Variants in C7 observed in about 807,000 individuals in gnomAD.
The protein encoded by C7 is complement component C7.
A neutral mutation model predicts 104.8 loss-of-function variants in C7; 83 were observed. That is an observed-to-expected ratio of 0.79 (90% CI 0.66 to 0.95). The LOEUF is 0.95. C7 is among the 40% of genes least tolerant of loss of function. The probability of loss-of-function intolerance (pLI) is 0.00; values close to 1 mark genes in which losing one functional copy is unlikely to be tolerated. For synonymous variants in C7, 415 were observed against 360.6 expected (o/e 1.15, Z -1.71); for missense variants, 1,070 against 1,011.2 (o/e 1.06, Z -0.79).
intron 1 of C7, among the ~76,000 whole-genome samples, chr5:40,920,619 G>A (rs1739419042): frequency 6.7e-6 from 1 of 148,166 alleles, no homozygotes. Context: ...TTTCCTCACT[G>A]TCACCATTTT....
chr5:40,980,160 G>T, intron 17 of C7: 1 of 348,594 alleles, frequency 2.9e-6, no homozygotes, highest in Admixed American at 4.7e-5. Flanking sequence ...GTGATTCCAT[G>T]CCACCTTCAT....
chr5:40,936,531 T>C (rs546723110), intron 5 of C7, 46 bp downstream of exon 5: 17 of 1,562,114 alleles, frequency 1.1e-5, no homozygotes, highest in Admixed American at 6.1e-5. Flanking sequence ...AATTGTAGTT[T>C]TAAATTTTGT....
Position 40,979,710 on chromosome 5 carries a change from A to G in C7, c.2166-15A>G, listed in dbSNP as rs1436772939. The stretch of plus-strand genomic sequence containing the variant: ...CAAAAATCTTGTAAATAATGTCATT[A>G]AAAATTCTTTTCAGACCTTCCTTGG... On this transcript the variant is annotated splice_polypyrimidine_tract_variant and intron_variant, in intron 16 of 17. Coordinates refer to ENST00000313164, the MANE Select transcript of C7 (RefSeq NM_000587.4). The G allele has an allele frequency of 1.3e-6, 2 of 1,598,746 alleles. No individual in the cohort carries two copies. The highest frequency in any genetic ancestry group is 1.7e-6 in the Non-Finnish European group (2 of 1,170,542).
At chr5:40,943,830 T>C (rs1264993360) in intron 6 of C7, among the ~76,000 whole-genome samples, 1 of 151,898 alleles carries the variant, frequency 6.6e-6, no homozygotes, top group Non-Finnish European at 1.5e-5. Flanking sequence ...GAAATCCATC[T>C]TCTTATCTTT....
chr5:40,931,437 A>G (rs1210921340), intron 3 of C7, among the ~76,000 whole-genome samples: 1 of 152,228 alleles, frequency 6.6e-6, no homozygotes, highest in Non-Finnish European at 1.5e-5. Flanking sequence ...CTATGAGAGA[A>G]ATAGGAATAA....
intron 5 of C7, among the ~76,000 whole-genome samples, chr5:40,936,951 T>C (rs1004674927): frequency 6.6e-6 from 1 of 152,258 alleles, no homozygotes; most frequent in Admixed American, 6.5e-5. Flanking sequence ...CAAGAACCTG[T>C]TTCCAAGTGA....
At chr5:40,928,207 A>G (rs982299769) in intron 1 of C7, among the ~76,000 whole-genome samples, 5 of 152,304 alleles carry the variant, frequency 3.3e-5, no homozygotes, top group African/African-American at 1.2e-4. Flanking sequence ...AAAACAATCG[A>G]ACTTGTAGAA....
intron 8 of C7, among the ~76,000 whole-genome samples, chr5:40,949,490 C>T (rs1186988873): frequency 2.6e-5 from 4 of 151,950 alleles, no homozygotes; most frequent in African/African-American, 9.7e-5. Flanking sequence ...ACCAGTAGAA[C>T]TTGAATTTTA....
intron 6 of C7, among the ~76,000 whole-genome samples, chr5:40,942,775 T>A (rs1032542214): frequency 3.3e-5 from 5 of 151,486 alleles, no homozygotes; most frequent in Non-Finnish European, 7.4e-5. Flanking sequence ...TTTCTTTTTT[T>A]TTTTTTTTGA....
intron 1 of C7, among the ~76,000 whole-genome samples, chr5:40,921,397 G>T (rs1739435408): frequency 6.6e-6 from 1 of 151,950 alleles, no homozygotes; most frequent in South Asian, 2.1e-4. Flanking sequence ...GTGATCTACA[G>T]ATTCAATGTA....
At chr5:40,968,145 T>C (rs1218970981) in intron 14 of C7, among the ~76,000 whole-genome samples, 1 of 152,086 alleles carries the variant, frequency 6.6e-6, no homozygotes, top group Admixed American at 6.6e-5. Context: ...TTTTCTTTTT[T>C]TTATTTGAGA....
At chr5:40,964,016 A>G (rs1740487173) in intron 13 of C7, among the ~76,000 whole-genome samples, 1 of 120,268 alleles carries the variant, frequency 8.3e-6, no homozygotes, top group Non-Finnish European at 1.8e-5. Flanking sequence ...AACAGCTCAT[A>G]ATACTTTTTT....
intron 1 of C7, among the ~76,000 whole-genome samples, chr5:40,917,527 T>G (rs913501025): frequency 6.6e-6 from 1 of 152,184 alleles, no homozygotes; most frequent in African/African-American, 2.4e-5. Flanking sequence ...CCCTTATCCT[T>G]TGATGGACAC....
chr5:40,915,355 C>CT (rs1271012209), intron 1 of C7, among the ~76,000 whole-genome samples: 2 of 149,866 alleles, frequency 1.3e-5, no homozygotes, highest in African/African-American at 5.1e-5. Context: ...TTGAAGTGGA[C>CT]CCACTCCTCC....
intron 8 of C7, 97 bp downstream of exon 8, chr5:40,947,942 A>T: frequency 8.1e-7 from 1 of 1,239,858 alleles, no homozygotes; most frequent in East Asian, 2.3e-5. Flanking sequence ...TTAAAATTTG[A>T]CAAACAGAAA....
At chr5:40,936,258 A>C (rs1265904615) in intron 4 of C7, 80 bp from the exon 5 acceptor site, 1 of 1,313,374 alleles carries the variant, frequency 7.6e-7, no homozygotes, top group Non-Finnish European at 1.1e-6. Context: ...TACAGGTAGC[A>C]GGAAAACCCT....
chr5:40,948,390 G>T (rs887611716), intron 8 of C7, among the ~76,000 whole-genome samples: 8 of 152,030 alleles, frequency 5.3e-5, no homozygotes, highest in African/African-American at 1.7e-4. Context: ...CCAATGAGAT[G>T]GGCATTATAA....
At chr5:40,918,710 A>G (rs982534872) in intron 1 of C7, among the ~76,000 whole-genome samples, 5 of 152,040 alleles carry the variant, frequency 3.3e-5, no homozygotes, top group African/African-American at 1.2e-4. Context: ...TAAGGACATT[A>G]TATGATGATA....
chr5:40,971,883 G>A (rs1740704165), intron 14 of C7: 1 of 201,030 alleles, frequency 5.0e-6, no homozygotes, highest in African/African-American at 2.4e-5. Flanking sequence ...GGAATTTGAG[G>A]CTGTAGTATA....
Sources: allele counts gnomAD v4.1 joint callset (sites outside exome capture counted in the v4.1 genomes callset), GRCh38; gene constraint gnomAD v4.1.1; transcripts MANE v1.5; gene names NCBI Gene and HGNC (gene_info 2026-07-23, HGNC 2026-07-21).